The following DOCK3 variants were observed in gnomAD, a reference collection of about 807,000 sequenced individuals.
The protein encoded by DOCK3 is dedicator of cytokinesis protein 3.
DOCK3 carries 60 observed loss-of-function variants against 265.6 expected under a neutral mutation model. The ratio of observed to expected loss-of-function variants is 0.23; its 90% CI spans 0.18 to 0.28. The LOEUF (loss-of-function observed/expected upper bound fraction) is 0.28. Ranked by LOEUF, DOCK3 falls within the 10% of genes least tolerant of loss-of-function variation. The pLI is 1.00. For missense variants in DOCK3, 1,981 were observed against 2,594.3 expected (o/e 0.76, Z 5.14); for synonymous variants, 881 against 938.0 (o/e 0.94, Z 1.11).
chr3:51,229,472 A>T, intron 18 of DOCK3, 40 bp from the exon 19 acceptor site: 1 of 1,390,720 alleles, frequency 7.2e-7, no homozygotes, highest in Non-Finnish European at 9.8e-7. Context: ...AAGAATATCC[A>T]GGTTTCAAGG....
At chr3:51,202,091 C>A (rs1258720219) in intron 12 of DOCK3, among the ~76,000 whole-genome samples, 6 of 150,086 alleles carry the variant, frequency 4.0e-5, no homozygotes, top group Non-Finnish European at 8.9e-5. Context: ...AAATTGACAC[C>A]CTAACATCAC....
intron 4 of DOCK3, among the ~76,000 whole-genome samples, chr3:50,918,390 T>G (rs1235770172): frequency 6.6e-6 from 1 of 152,156 alleles, no homozygotes; most frequent in Non-Finnish European, 1.5e-5. Context: ...TGTAAGAGTG[T>G]TCCTATTTCT....
intron 2 of DOCK3, among the ~76,000 whole-genome samples, chr3:50,811,991 C>T (rs954103902): frequency 1.3e-5 from 2 of 152,222 alleles, no homozygotes; most frequent in African/African-American, 4.8e-5. Flanking sequence ...AAGAACTTAA[C>T]TCCTATCCCT....
intron 3 of DOCK3, among the ~76,000 whole-genome samples, chr3:50,885,988 A>G (rs1029639246): frequency 4.6e-5 from 7 of 151,862 alleles, no homozygotes; most frequent in African/African-American, 1.5e-4. Flanking sequence ...GGCTAGAGAG[A>G]GCAAGTTTTT....
At chr3:50,958,140 A>G (rs910063060) in intron 5 of DOCK3, among the ~76,000 whole-genome samples, 10 of 152,108 alleles carry the variant, frequency 6.6e-5, no homozygotes, top group Non-Finnish European at 1.5e-4. Context: ...ACCTCCTCGG[A>G]TAAGATTTAG....
intron 9 of DOCK3, among the ~76,000 whole-genome samples, chr3:51,101,563 GA>G (rs1218155588): frequency 6.6e-6 from 1 of 152,172 alleles, no homozygotes; most frequent in Non-Finnish European, 1.5e-5. Context: ...AACTTACAGT[GA>G]AAACTAGAAA....
Position 50,750,455 on chromosome 3 carries a change from G to A in DOCK3, c.38-28220G>A, listed in dbSNP as rs1440086815. Among the ~76,000 whole-genome samples the A allele has an allele frequency of 6.0e-5, 9 of 150,320 alleles. No homozygotes were observed. In the South Asian group the frequency reaches 6.4e-4, roughly 11 times the overall value. On this transcript the variant is annotated intron_variant, in intron 1 of 52. Transcript: ENST00000266037. Reference sequence around the variant, plus strand: ...AGCTATTCTCCTGCCTCAGCCTCCCGAGTAGCTGGGATTACAGGCGCCTGC... The same window carrying A: ...AGCTATTCTCCTGCCTCAGCCTCCCAAGTAGCTGGGATTACAGGCGCCTGC...
Position 50,806,819 on chromosome 3 carries a change from C to T in DOCK3, c.121+28061C>T, listed in dbSNP as rs115448820. Reference sequence around the variant, plus strand: ...CTAGTCTCAAGATGGTGTCTTGCTGCAATAGCTTGGCTCACAAGGGGTGGG... The same window carrying T: ...CTAGTCTCAAGATGGTGTCTTGCTGTAATAGCTTGGCTCACAAGGGGTGGG... On this transcript the variant is annotated intron_variant, in intron 2 of 52. Transcript: ENST00000266037. 4.7e-3 allele frequency among the ~76,000 whole-genome samples: 719 copies of T among 152,138 alleles called. 2 individuals carry two copies. Among genetic ancestry groups the T allele is most frequent in the African/African-American group, 0.016 (669 of 41,504 alleles).
intron 2 of DOCK3, among the ~76,000 whole-genome samples, chr3:50,829,852 AAAT>A (rs1175456800): frequency 1.6e-4 from 24 of 152,212 alleles, no homozygotes; most frequent in African/African-American, 5.5e-4. Flanking sequence ...AATTTTAATG[AAAT>A]AATGACTCAT....
At chr3:51,200,459 G>A (rs1442120944) in intron 12 of DOCK3, among the ~76,000 whole-genome samples, 2 of 20,808 alleles carry the variant, frequency 9.6e-5, no homozygotes, top group Non-Finnish European at 8.6e-5. Flanking sequence ...AAGCGAGAAG[G>A]GAAGTTTAGA....
intron 4 of DOCK3, among the ~76,000 whole-genome samples, chr3:50,895,284 A>G (rs2048842064): frequency 6.9e-6 from 1 of 145,662 alleles, no homozygotes; most frequent in Non-Finnish European, 1.5e-5. Flanking sequence ...GTACATGTCC[A>G]TCACGTGCAG....
chr3:50,966,828 A>C (rs1280916521), intron 5 of DOCK3, among the ~76,000 whole-genome samples: 1 of 152,168 alleles, frequency 6.6e-6, no homozygotes, highest in Non-Finnish European at 1.5e-5. Flanking sequence ...AAAGGGTACA[A>C]GCCCAGGTTG....
chr3:50,921,473 C>T (rs1236475787), intron 4 of DOCK3, among the ~76,000 whole-genome samples: 1 of 152,160 alleles, frequency 6.6e-6, no homozygotes, highest in African/African-American at 2.4e-5. Flanking sequence ...AGGTTTTTAG[C>T]TTCTTTGCGA....
chr3:50,962,717 TA>T (rs1476134925), intron 5 of DOCK3, among the ~76,000 whole-genome samples: 2 of 152,102 alleles, frequency 1.3e-5, no homozygotes, highest in Non-Finnish European at 2.9e-5. Context: ...GACTCTTTTT[TA>T]TTTTTTCTTC....
At chr3:50,900,777 ACCCTGC>A in intron 4 of DOCK3, 2 of 434,982 alleles carry the variant, frequency 4.6e-6, no homozygotes, top group South Asian at 1.6e-5. Flanking sequence ...TCCACTTCAG[ACCCTGC>A]CCCTGTTTGC....
At chr3:51,180,886 A>T (rs934318887) in intron 12 of DOCK3, among the ~76,000 whole-genome samples, 1 of 152,212 alleles carries the variant, frequency 6.6e-6, no homozygotes, top group African/African-American at 2.4e-5. Flanking sequence ...AAAGGAGGGA[A>T]GAGGCAGAAC....
rs150009537 is a variant in DOCK3, at chr3:50,821,827, A to C, written c.122-19848A>C. ...GTAGCTGATCTTTATTCTGAGTTTT[A>C]CAGCTTTATTTCTGAGTTTTCTATT... On this transcript the variant is annotated intron_variant, in intron 2 of 52. Coordinates refer to ENST00000266037, the MANE Select transcript of DOCK3 (RefSeq NM_004947.5). Among the ~76,000 whole-genome samples, 601 of 151,968 alleles carry C rather than the reference A, an allele frequency of 4.0e-3. 19 individuals are homozygous for C. The highest frequency in any genetic ancestry group is 0.033 in the Admixed American group (509 of 15,254).
At chr3:50,679,073 G>A (rs973099593) in intron 1 of DOCK3, among the ~76,000 whole-genome samples, 1 of 152,114 alleles carries the variant, frequency 6.6e-6, no homozygotes, top group African/African-American at 2.4e-5. Flanking sequence ...TCGGCCTCCC[G>A]AAGTGCTGGG....
At position 51,208,853 on chromosome 3, in the gene DOCK3, G is replaced by A. The variant is rs746629423; in HGVS notation, c.1117G>A (p.Ala373Thr). The change falls in exon 13 of 53, where the codon GCC becomes ACC. Residue 373 changes from alanine (A) to threonine (T), a missense_variant. By Grantham distance (58) the Ala-to-Thr change is moderately conservative (BLOSUM62 0). Transcript: ENST00000266037. Reference protein sequence around the residue: ...KSSAKYSAPSASHGLIISLQL... With the variant: ...KSSAKYSAPSTSHGLIISLQL... The stretch of plus-strand genomic sequence containing the variant: ...CAGTGCCAAGTACTCTGCCCCCAGC[G>A]CCAGCCATGGTGAGATACTTCTCTG... 2.2e-5 allele frequency: 36 copies of A among 1,609,980 alleles called. No individual in the cohort carries two copies. Among genetic ancestry groups the A allele is most frequent in the African/African-American group, 8.0e-5 (6 of 74,826 alleles).
Sources: gnomAD v4.1 joint callset for allele counts (sites outside exome capture counted in the v4.1 genomes callset) on GRCh38, gnomAD v4.1.1 for gene constraint, MANE v1.5 for transcripts, NCBI Gene and HGNC (gene_info 2026-07-23, HGNC 2026-07-21) for gene names.